Variants in RPL32 observed in about 807,000 individuals in gnomAD.
RPL32 encodes large ribosomal subunit protein eL32.
For synonymous variants in RPL32, 61 were observed against 62.6 expected (o/e 0.98, Z 0.12); for missense variants, 117 against 173.7 (o/e 0.67, Z 1.83).
chr3:12,835,988 T>G lies in RPL32; in HGVS notation c.*106A>C, dbSNP rs995173441. ...GGCTTAAGCAAAAGAACAATCTCTG[T>G]GGCAAACTAAGTTGGCCAAGAAGCT... is the stretch of plus-strand genomic sequence containing the variant. On this transcript the variant is annotated 3_prime_UTR_variant, in exon 4 of 4. Coordinates refer to ENST00000429711, the MANE Select transcript of RPL32 (RefSeq NM_000994.4). 3.0e-5 allele frequency: 41 copies of G among 1,380,258 alleles called. No homozygotes were observed. The highest frequency in any genetic ancestry group is 3.5e-5 in the Non-Finnish European group (35 of 997,766). The allele number at this position is 1,380,258 out of a possible 1,614,324, so 85.5% of individuals were successfully genotyped here.
At chr3:12,837,030 T>G (rs1371229403) in intron 3 of RPL32, among the ~76,000 whole-genome samples, 1 of 152,258 alleles carries the variant, frequency 6.6e-6, no homozygotes, top group Admixed American at 6.5e-5. Context: ...TTGTTTTATA[T>G]GAGTCCACTC....
At chr3:12,840,728 C>T (rs2062145375) in intron 1 of RPL32, 1 of 338,324 alleles carries the variant, frequency 3.0e-6, no homozygotes, top group South Asian at 2.3e-5. Flanking sequence ...TAGGGAGCTG[C>T]TGCGCTACCA....
chr3:12,836,263 C>T (rs1402553686), intron 3 of RPL32, 40 bp from the exon 4 acceptor site: 4 of 1,598,850 alleles, frequency 2.5e-6, no homozygotes, highest in Non-Finnish European at 3.4e-6. Flanking sequence ...AGACAGCCCT[C>T]AACACACTTG....
chr3:12,838,911 T>C (rs756305799), intron 3 of RPL32: 13 of 221,052 alleles, frequency 5.9e-5, no homozygotes, highest in Non-Finnish European at 1.1e-4. Flanking sequence ...TGGACACATA[T>C]TCTTAGGGTC....
chr3:12,836,017 G>A lies in RPL32; in HGVS notation c.*77C>T, dbSNP rs1441390448. On this transcript the variant is annotated 3_prime_UTR_variant, in exon 4 of 4. Transcript: ENST00000429711. ...AAACTAAGTTGGCCAAGAAGCTGAA[G>A]ACTTAAAATCAAGGAAGGAAGATGC... 1.3e-5 allele frequency: 21 copies of A among 1,558,002 alleles called. No individual in the cohort carries two copies. Among genetic ancestry groups the A allele is most frequent in the Non-Finnish European group, 1.8e-5 (21 of 1,143,184 alleles).
intron 1 of RPL32, chr3:12,840,585 C>CCGGTAGTACTGGCCTTGACCATCT (rs1380181574): frequency 1.0e-5 from 5 of 477,160 alleles, no homozygotes; most frequent in Non-Finnish European, 2.1e-5. Context: ...GATGGTCCTT[C>CCGGTAGTACTGGCCTTGACCATCT]CGGTAGTACT....
chr3:12,839,935 A>C (rs1575790293), intron 2 of RPL32, among the ~76,000 whole-genome samples: 2 of 152,220 alleles, frequency 1.3e-5, no homozygotes, highest in South Asian at 2.1e-4. Flanking sequence ...AAAACGGCCA[A>C]ATGTCCCTTT....
chr3:12,840,639 A>G, intron 1 of RPL32: 1 of 413,172 alleles, frequency 2.4e-6, no homozygotes, highest in Non-Finnish European at 4.8e-6. Flanking sequence ...CCTCACCTGT[A>G]AAATGAAGAT....
chr3:12,836,205 G>T lies in RPL32; in HGVS notation c.297C>A (p.Ile99=). The T allele has an allele frequency of 6.2e-7, 1 of 1,600,200 alleles. No homozygotes were observed. Among genetic ancestry groups the T allele is most frequent in the Non-Finnish European group, 8.5e-7 (1 of 1,179,766 alleles). ...GGTTCTTGGAGGAAACATTGTGAGC[G>T]ATCTCGGCACAGTAAGATCTGCAAG... ...LMCNKSYCAE[I]AHNVSSKNRK... is the part of the protein sequence containing the mutation. The change falls in exon 4 of 4, where the codon ATC becomes ATA. Residue 99 remains isoleucine (I), a synonymous_variant. Transcript: ENST00000429711.
At chr3:12,839,095 C>CA in intron 3 of RPL32, 1 of 570,626 alleles carries the variant, frequency 1.8e-6, no homozygotes, top group South Asian at 2.1e-5. Flanking sequence ...TTGCAGTGTT[C>CA]ACAAAGCAGT....
At chr3:12,840,291 C>G (rs2062139809) in intron 1 of RPL32, 49 bp from the exon 2 acceptor site, 1 of 1,334,752 alleles carries the variant, frequency 7.5e-7, no homozygotes, top group Non-Finnish European at 1.1e-6. Flanking sequence ...TGGAAGGAGG[C>G]TTTCCTGCCC....
At chr3:12,836,628 G>C (rs943743964) in intron 3 of RPL32, among the ~76,000 whole-genome samples, 1 of 152,200 alleles carries the variant, frequency 6.6e-6, no homozygotes, top group Non-Finnish European at 1.5e-5. Flanking sequence ...ATGGTCAAGA[G>C]CAGAACCCAA....
Position 12,835,022 on chromosome 3 carries a change from A to G in RPL32, c.*1072T>C, listed in dbSNP as rs2062088513. 1 of 152,234 alleles carries G rather than the reference A, an allele frequency of 6.6e-6. No homozygotes were observed. The highest frequency in any genetic ancestry group is 1.5e-5 in the Non-Finnish European group (1 of 68,042). The allele number at this position is 152,234 out of a possible 1,614,324, so 9.4% of individuals were successfully genotyped here. ...CTGTAAGATTCCTGTCTAGACTAGA[A>G]GTAGAAAAGCTTTATTATACCCAGC... On this transcript the variant is annotated 3_prime_UTR_variant, in exon 4 of 4. Transcript: ENST00000429711.
intron 3 of RPL32, among the ~76,000 whole-genome samples, chr3:12,838,880 C>T (rs2062122500): frequency 6.6e-6 from 1 of 152,142 alleles, no homozygotes; most frequent in Non-Finnish European, 1.5e-5. Flanking sequence ...TATGTAAAAC[C>T]AAGCTGCTCC....
chr3:12,834,574 G>A lies in RPL32; in HGVS notation c.*1520C>T, dbSNP rs1299427127. The A allele has an allele frequency of 6.5e-6, 1 of 153,170 alleles. No homozygotes were observed. Among genetic ancestry groups the A allele is most frequent in the East Asian group, 1.9e-4 (1 of 5,216 alleles). 9.5% of individuals were successfully genotyped at this position (153,170 alleles called of 1,614,324 possible). A position where few individuals can be genotyped will look rare whatever the true frequency, so the allele number is the denominator to read the frequency against. On this transcript the variant is annotated 3_prime_UTR_variant, in exon 4 of 4. Coordinates refer to ENST00000429711, the MANE Select transcript of RPL32 (RefSeq NM_000994.4). Reference sequence around the variant, plus strand: ...GAGGAATGGGTTGGGTAGGGAACTGGACAGGCTTGGACCTCATGTTTCATT... The same window carrying A: ...GAGGAATGGGTTGGGTAGGGAACTGAACAGGCTTGGACCTCATGTTTCATT...
chr3:12,838,667 A>G (rs2062120347), intron 3 of RPL32, among the ~76,000 whole-genome samples: 1 of 150,620 alleles, frequency 6.6e-6, no homozygotes, highest in Non-Finnish European at 1.5e-5. Context: ...GGCCCCCAGC[A>G]ACCATCTGAA....
chr3:12,839,167 C>A, intron 3 of RPL32, 182 bp downstream of exon 3: 1 of 633,782 alleles, frequency 1.6e-6, no homozygotes. Context: ...GCAAAGGAAA[C>A]ACCTTGAATT....
chr3:12,839,136 A>G, intron 3 of RPL32: 1 of 605,916 alleles, frequency 1.7e-6, no homozygotes, highest in Non-Finnish European at 2.9e-6. Flanking sequence ...CTACACTTAG[A>G]AGACCAAGTC....
At chr3:12,839,216 TTC>T in intron 3 of RPL32, 131 bp downstream of exon 3, 1 of 779,574 alleles carries the variant, frequency 1.3e-6, no homozygotes, top group South Asian at 1.7e-5. Context: ...AAGGAACAAC[TTC>T]TGATTCCCTC....
Sources: gnomAD v4.1 joint callset for allele counts (sites outside exome capture counted in the v4.1 genomes callset) on GRCh38, gnomAD v4.1.1 for gene constraint, MANE v1.5 for transcripts, NCBI Gene and HGNC (gene_info 2026-07-23, HGNC 2026-07-21) for gene names.